The following KSR2 variants were observed in gnomAD, a reference collection of about 807,000 sequenced individuals.
KSR2 encodes the protein kinase suppressor of ras 2.
In KSR2, 25 loss-of-function variants were observed where a neutral mutation model predicts 107.8. The ratio of observed to expected loss-of-function variants is 0.23; its 90% CI spans 0.17 to 0.32. The LOEUF (loss-of-function observed/expected upper bound fraction) is 0.32. Among genes scored for constraint, KSR2 ranks in the 10% least tolerant of loss-of-function variants. The probability of loss-of-function intolerance (pLI) is 1.00; values close to 1 mark genes in which losing one functional copy is unlikely to be tolerated. For synonymous variants in KSR2, 480 were observed against 507.0 expected, an observed-to-expected ratio of 0.95 and a Z score of 0.71; for missense variants, 887 against 1,268.9, an observed-to-expected ratio of 0.70 and a Z score of 4.57.
At chr12:117,516,977 A>G (rs1433022628) in intron 14 of KSR2, among the ~76,000 whole-genome samples, 5 of 152,180 alleles carry the variant, frequency 3.3e-5, no homozygotes, top group Admixed American at 3.3e-4. Flanking sequence ...CCAATGGCAC[A>G]TAAGTGAAGT....
At position 117,493,271 on chromosome 12, in the gene KSR2, C is replaced by T. The variant is rs924151542; in HGVS notation, c.2220-7580G>A. On this transcript the variant is annotated intron_variant, in intron 14 of 19. Coordinates refer to ENST00000339824, the MANE Select transcript of KSR2 (RefSeq NM_173598.6). ...CTGGCTTCCCCAGTTCATTCTTCGTCCAGTACTATGAGCGATTGCTTCAAA... is the reference window on the plus strand; with the variant it reads ...CTGGCTTCCCCAGTTCATTCTTCGTTCAGTACTATGAGCGATTGCTTCAAA... Among the ~76,000 whole-genome samples the T allele has an allele frequency of 2.0e-5, 3 of 152,266 alleles. No individual in the cohort carries two copies. The East Asian group carries it at 5.8e-4, about 29-fold the overall frequency.
chr12:117,753,629 A>G (rs1441632848), intron 4 of KSR2, among the ~76,000 whole-genome samples: 1 of 152,106 alleles, frequency 6.6e-6, no homozygotes, highest in Admixed American at 6.6e-5. Context: ...ACATGGACAC[A>G]TAGAGGGGAA....
chr12:117,637,453 G>C (rs1322734780), intron 5 of KSR2, among the ~76,000 whole-genome samples: 1 of 152,188 alleles, frequency 6.6e-6, no homozygotes, highest in Non-Finnish European at 1.5e-5. Context: ...CATCTCAGTT[G>C]TCAATAGCAC....
chr12:117,732,514 T>G (rs1231442260), intron 4 of KSR2, among the ~76,000 whole-genome samples: 1 of 152,076 alleles, frequency 6.6e-6, no homozygotes, highest in Non-Finnish European at 1.5e-5. Context: ...GGTCTCGAAC[T>G]CCTAACCTCA....
intron 1 of KSR2, among the ~76,000 whole-genome samples, chr12:117,949,192 C>T (rs1896286259): frequency 6.6e-6 from 1 of 151,586 alleles, no homozygotes; most frequent in Non-Finnish European, 1.5e-5. Context: ...AAATGAATCA[C>T]AGATTGAATG....
chr12:117,643,851 G>C (rs1883494085), intron 5 of KSR2, among the ~76,000 whole-genome samples: 1 of 152,204 alleles, frequency 6.6e-6, no homozygotes, highest in East Asian at 1.9e-4. Flanking sequence ...CTAAATCTTA[G>C]GTATGGGCTT....
chr12:117,938,719 C>T (rs1468121040), intron 1 of KSR2, among the ~76,000 whole-genome samples: 1 of 151,950 alleles, frequency 6.6e-6, no homozygotes, highest in Non-Finnish European at 1.5e-5. Context: ...CCACTGCACC[C>T]CAGCCTAGGC....
chr12:117,677,578 C>G (rs1885188189), intron 4 of KSR2, among the ~76,000 whole-genome samples: 1 of 152,152 alleles, frequency 6.6e-6, no homozygotes, highest in South Asian at 2.1e-4. Flanking sequence ...GCAGCCCTAG[C>G]AGACTAATAC....
intron 1 of KSR2, among the ~76,000 whole-genome samples, chr12:117,965,595 A>C (rs1315918388): frequency 5.3e-5 from 8 of 152,210 alleles, no homozygotes; most frequent in Non-Finnish European, 8.8e-5. Context: ...GGGATCATCT[A>C]TTCAATTTAT....
chr12:117,819,405 C>T (rs1891486572), intron 3 of KSR2, among the ~76,000 whole-genome samples: 1 of 152,190 alleles, frequency 6.6e-6, no homozygotes, highest in Non-Finnish European at 1.5e-5. Flanking sequence ...TCCAGAGTTG[C>T]TGAGAGCCTC....
intron 4 of KSR2, among the ~76,000 whole-genome samples, chr12:117,693,290 T>C (rs1240789462): frequency 2.0e-5 from 3 of 152,164 alleles, no homozygotes; most frequent in Non-Finnish European, 4.4e-5. Context: ...CTTGTTTAAT[T>C]GAATAAGGAT....
intron 4 of KSR2, among the ~76,000 whole-genome samples, chr12:117,681,941 T>C (rs902476744): frequency 6.6e-6 from 1 of 152,190 alleles, no homozygotes; most frequent in African/African-American, 2.4e-5. Flanking sequence ...GGAATATAAA[T>C]CATTCTATTA....
At chr12:117,750,717 C>T (rs1888582603) in intron 4 of KSR2, among the ~76,000 whole-genome samples, 1 of 64,354 alleles carries the variant, frequency 1.6e-5, no homozygotes, top group African/African-American at 6.6e-5. Context: ...TGCATGTGTA[C>T]ACAAATGTGT....
chr12:117,968,054 T>TC (rs1896849868), intron 1 of KSR2, 22 bp downstream of exon 1: 1 of 1,029,732 alleles, frequency 9.7e-7, no homozygotes, highest in Non-Finnish European at 1.4e-6. Context: ...TTTTTTTTTT[T>TC]TTTCCCGTAG....
chr12:117,534,422 C>T (rs1875887449), intron 10 of KSR2, among the ~76,000 whole-genome samples: 1 of 152,130 alleles, frequency 6.6e-6, no homozygotes, highest in South Asian at 2.1e-4. Flanking sequence ...TCCAGTGACC[C>T]TCCAACCTAA....
intron 4 of KSR2, among the ~76,000 whole-genome samples, chr12:117,708,270 C>T (rs1212831883): frequency 6.6e-6 from 1 of 152,148 alleles, no homozygotes; most frequent in African/African-American, 2.4e-5. Context: ...AGATCCGGAA[C>T]TTGAGGACTC....
At chr12:117,603,824 TGGC>T (rs1881087042) in intron 5 of KSR2, among the ~76,000 whole-genome samples, 1 of 152,246 alleles carries the variant, frequency 6.6e-6, no homozygotes, top group African/African-American at 2.4e-5. Context: ...TTAAAACTCC[TGGC>T]TTGCTAACTG....
intron 4 of KSR2, among the ~76,000 whole-genome samples, chr12:117,691,054 A>G (rs1316960794): frequency 6.6e-6 from 1 of 152,236 alleles, no homozygotes; most frequent in Non-Finnish European, 1.5e-5. Context: ...TCTCAAACAC[A>G]GGGACAGGGC....
intron 5 of KSR2, among the ~76,000 whole-genome samples, chr12:117,641,742 A>C (rs183669224): frequency 1.3e-5 from 2 of 152,222 alleles, no homozygotes; most frequent in East Asian, 3.9e-4. Context: ...CCCATAGCAG[A>C]CTTACCTGTC....
Sources: allele counts gnomAD v4.1 joint callset (sites outside exome capture counted in the v4.1 genomes callset), GRCh38; gene constraint gnomAD v4.1.1; transcripts MANE v1.5; gene names NCBI Gene and HGNC (gene_info 2026-07-23, HGNC 2026-07-21).